The following DYNC2LI1 variants were observed in gnomAD, a reference collection of about 807,000 sequenced individuals.
DYNC2LI1 encodes the protein dynein cytoplasmic 2 light intermediate chain 1, also known as cytoplasmic dynein 2 light intermediate chain 1.
A neutral mutation model predicts 51.9 loss-of-function variants in DYNC2LI1; 45 were observed. The ratio of observed to expected loss-of-function variants is 0.87; its 90% CI spans 0.68 to 1.11. DYNC2LI1 has a LOEUF of 1.11. Among genes scored for constraint, DYNC2LI1 ranks in the 50% most tolerant of loss-of-function variants. The pLI, the probability that DYNC2LI1 is intolerant of heterozygous loss-of-function variation, is 0.00. For missense variants in DYNC2LI1, 490 were observed against 417.4 expected (o/e 1.17, Z -1.51); for synonymous variants, 130 against 137.8 (o/e 0.94, Z 0.40).
chr2:43,808,056 A>C (rs1387323126), intron 12 of DYNC2LI1, among the ~76,000 whole-genome samples: 1 of 152,226 alleles, frequency 6.6e-6, no homozygotes, highest in African/African-American at 2.4e-5. Flanking sequence ...CACCTTTGTC[A>C]TTGGTAAAAA....
At chr2:43,824,719 A>G in the DYNC2LI1 span, 7 of 925,098 alleles carry the variant, frequency 7.6e-6, no homozygotes, top group Non-Finnish European at 6.5e-6. Context: ...TCATTCTGAT[A>G]GTCATCTCTG....
At chr2:43,810,161 T>C (rs1387540458), downstream of DYNC2LI1, among the ~76,000 whole-genome samples, 1 of 152,254 alleles carries the variant, frequency 6.6e-6, no homozygotes, top group Non-Finnish European at 1.5e-5. Flanking sequence ...CATTCTCAGC[T>C]GTAGCTGGGA....
intron 12 of DYNC2LI1, among the ~76,000 whole-genome samples, chr2:43,807,648 G>A (rs776501824): frequency 1.2e-4 from 16 of 134,544 alleles, no homozygotes; most frequent in Non-Finnish European, 2.0e-4. Flanking sequence ...TCAACTCCTC[G>A]CCTAAAGCAA....
At chr2:43,791,957 T>G (rs960028237) in intron 5 of DYNC2LI1, among the ~76,000 whole-genome samples, 2 of 152,176 alleles carry the variant, frequency 1.3e-5, no homozygotes, top group Non-Finnish European at 1.5e-5. Context: ...AATTTTAATC[T>G]TAGAAAAAAT....
At chr2:43,826,125 AC>A in the DYNC2LI1 span, among the ~76,000 whole-genome samples, 1 of 149,898 alleles carries the variant, frequency 6.7e-6, no homozygotes, top group East Asian at 1.9e-4. Context: ...ACAGATATGC[AC>A]CACCATGCCT....
chr2:43,775,095 C>G (rs1457862870), intron 1 of DYNC2LI1, among the ~76,000 whole-genome samples: 1 of 152,166 alleles, frequency 6.6e-6, no homozygotes, highest in Non-Finnish European at 1.5e-5. Context: ...ATGCCCTAAA[C>G]TACATATATA....
chr2:43,784,944 A>T (rs1182327837), intron 3 of DYNC2LI1, among the ~76,000 whole-genome samples: 1 of 152,204 alleles, frequency 6.6e-6, no homozygotes, highest in African/African-American at 2.4e-5. Context: ...AGAATATTCA[A>T]TAAACATAAT....
chr2:43,812,837 T>C (rs961028913), downstream of DYNC2LI1: 22 of 394,012 alleles, frequency 5.6e-5, no homozygotes, highest in African/African-American at 4.0e-4. Flanking sequence ...CACACGAGTC[T>C]CCCATAGGTT....
the DYNC2LI1 span, among the ~76,000 whole-genome samples, chr2:43,815,925 AAAG>A: frequency 0.013 from 1,963 of 151,652 alleles, 49 homozygotes; most frequent in African/African-American, 0.044. Context: ...AAAAAAAAAA[AAAG>A]GACCAGACTA....
chr2:43,792,608 C>G, intron 5 of DYNC2LI1: 1 of 1,457,204 alleles, frequency 6.9e-7, no homozygotes, highest in South Asian at 1.5e-5. Flanking sequence ...ATCTCCAGAA[C>G]TTTTTGATCT....
chr2:43,808,279 A>T (rs1373766470), intron 12 of DYNC2LI1, among the ~76,000 whole-genome samples: 1 of 151,638 alleles, frequency 6.6e-6, no homozygotes, highest in African/African-American at 2.4e-5. Flanking sequence ...AAAAAAACAC[A>T]CAAGGAAAAA....
chr2:43,805,951 G>A (rs778462613), intron 12 of DYNC2LI1, among the ~76,000 whole-genome samples: 49 of 151,122 alleles, frequency 3.2e-4, no homozygotes, highest in Non-Finnish European at 5.7e-4. Flanking sequence ...GCATGACCTC[G>A]GCTCACTACA....
chr2:43,778,443 C>T (rs941240004), intron 2 of DYNC2LI1, among the ~76,000 whole-genome samples: 3 of 152,120 alleles, frequency 2.0e-5, no homozygotes, highest in Admixed American at 6.6e-5. Flanking sequence ...CATGAGTCAC[C>T]GCCCCTGGCT....
chr2:43,799,597 T>C (rs542982880), intron 8 of DYNC2LI1, among the ~76,000 whole-genome samples: 2 of 152,282 alleles, frequency 1.3e-5, no homozygotes, highest in East Asian at 3.9e-4. Flanking sequence ...AATGAATTAT[T>C]TGGGGAGATG....
At chr2:43,814,768 C>T (rs1013615277), downstream of DYNC2LI1, among the ~76,000 whole-genome samples, 1 of 152,052 alleles carries the variant, frequency 6.6e-6, no homozygotes, top group African/African-American at 2.4e-5. Flanking sequence ...AAAGAAATAC[C>T]GTTGCCTAGA....
chr2:43,775,245 A>G (rs1672957780), intron 1 of DYNC2LI1, among the ~76,000 whole-genome samples: 1 of 152,204 alleles, frequency 6.6e-6, no homozygotes, highest in African/African-American at 2.4e-5. Context: ...TAATTAATAA[A>G]GGAATGAAGG....
the DYNC2LI1 span, among the ~76,000 whole-genome samples, chr2:43,818,445 AAAAAAC>A: frequency 7.2e-4 from 109 of 152,352 alleles, no homozygotes; most frequent in Middle Eastern, 6.8e-3. Context: ...CTGTGTTTCA[AAAAAAC>A]AAAAACAAAA....
chr2:43,791,508 C>T (rs1023345365), intron 5 of DYNC2LI1, among the ~76,000 whole-genome samples: 4 of 151,782 alleles, frequency 2.6e-5, no homozygotes. Context: ...ACAGCTGGGA[C>T]CTGCTTTAGG....
chr2:43,809,101 AC>A (rs1335049939), intron 12 of DYNC2LI1, among the ~76,000 whole-genome samples: 195 of 151,828 alleles, frequency 1.3e-3, no homozygotes, highest in African/African-American at 4.6e-3. Flanking sequence ...CGATCCTCCC[AC>A]CTCAGACTCC....
Sources: gnomAD v4.1 joint callset for allele counts (sites outside exome capture counted in the v4.1 genomes callset) on GRCh38, gnomAD v4.1.1 for gene constraint, MANE v1.5 for transcripts, NCBI Gene and HGNC (gene_info 2026-07-23, HGNC 2026-07-21) for gene names.